MCMDC2: variants seen among roughly 807,000 people sequenced by gnomAD.
The protein encoded by MCMDC2 is minichromosome maintenance domain-containing protein 2.
MCMDC2 carries 54 observed loss-of-function variants against 75.8 expected under a neutral mutation model. That is an observed-to-expected ratio of 0.71 (90% confidence interval 0.57 to 0.89). MCMDC2 has a LOEUF of 0.89. Among genes scored for constraint, MCMDC2 ranks in the 40% least tolerant of loss-of-function variants. The pLI is 0.00. For missense variants in MCMDC2, 656 were observed against 780.4 expected (o/e 0.84, Z 1.90); for synonymous variants, 249 against 274.6 (o/e 0.91, Z 0.92).
intron 5 of MCMDC2, 97 bp downstream of exon 5, chr8:66,877,641 G>A (rs1403013790): frequency 2.4e-6 from 2 of 834,626 alleles, no homozygotes; most frequent in Non-Finnish European, 3.5e-6. Context: ...GAGGAGGGAG[G>A]ATCACCTGAG....
intron 10 of MCMDC2, among the ~76,000 whole-genome samples, chr8:66,891,474 G>A (rs1344635551): frequency 2.6e-5 from 4 of 152,166 alleles, no homozygotes; most frequent in South Asian, 2.1e-4. Flanking sequence ...TTCTTTATCC[G>A]TGGAAGTTCT....
chr8:66,874,798 C>T (rs1046253204), intron 4 of MCMDC2, among the ~76,000 whole-genome samples: 1 of 151,594 alleles, frequency 6.6e-6, no homozygotes, highest in Non-Finnish European at 1.5e-5. Flanking sequence ...CTCGCTCTGT[C>T]GCCAGGCTGG....
chr8:66,883,892 T>A lies in MCMDC2; in HGVS notation c.971T>A (p.Leu324His). Reference sequence around the variant, plus strand: ...CCTGGGACTTACAATTTGCTCAAGCTCTGTTTGTTGATGAGTCTAGTACAG... The same window carrying A: ...CCTGGGACTTACAATTTGCTCAAGCACTGTTTGTTGATGAGTCTAGTACAG... The part of the protein sequence containing the change: ...TPPGTYNLLK[L>H]CLLMSLVQTT... The change falls in exon 9 of 15, where the codon CTC (leucine) becomes CAC (histidine). Residue 324 changes from leucine to histidine, a missense_variant. Physicochemically the swap from Leu to His is moderately conservative, Grantham distance 99. Transcript: ENST00000422365. 6.2e-7 allele frequency: 1 copy of A among 1,614,052 alleles called. No individual in the cohort carries two copies. Among genetic ancestry groups the A allele is most frequent in the Non-Finnish European group, 8.5e-7 (1 of 1,180,004 alleles).
chr8:66,882,470 AT>A (rs1245708088), intron 8 of MCMDC2, among the ~76,000 whole-genome samples: 2 of 151,914 alleles, frequency 1.3e-5, no homozygotes, highest in Non-Finnish European at 2.9e-5. Flanking sequence ...AGTTCAAGGG[AT>A]TCTCCTGCCT....
At chr8:66,895,763 T>C (rs1812324474) in intron 10 of MCMDC2, among the ~76,000 whole-genome samples, 1 of 152,208 alleles carries the variant, frequency 6.6e-6, no homozygotes, top group Non-Finnish European at 1.5e-5. Flanking sequence ...CCAGTCATTG[T>C]AGTTCATATT....
intron 10 of MCMDC2, among the ~76,000 whole-genome samples, chr8:66,895,740 G>C (rs1236349038): frequency 6.6e-6 from 1 of 152,034 alleles, no homozygotes; most frequent in Non-Finnish European, 1.5e-5. Flanking sequence ...TTGAATTTGA[G>C]ATATATTTCC....
downstream of MCMDC2, among the ~76,000 whole-genome samples, chr8:66,924,283 T>C (rs1471160040): frequency 6.6e-6 from 1 of 151,220 alleles, no homozygotes; most frequent in Non-Finnish European, 1.5e-5. Flanking sequence ...GCATTTCAAA[T>C]TTGAAGAAAA....
chr8:66,922,533 A>AT (rs547985267), downstream of MCMDC2: 19 of 518,850 alleles, frequency 3.7e-5, no homozygotes, highest in Non-Finnish European at 5.4e-5. Context: ...GCAAAAAGTA[A>AT]TTTAAGTCAT....
Position 66,919,673 on chromosome 8 carries a change from T to C in MCMDC2, c.*504T>C, listed in dbSNP as rs965410251. 3.3e-5 allele frequency: 5 copies of C among 152,362 alleles called. No homozygotes were observed. The highest frequency in any genetic ancestry group is 9.6e-5 in the African/African-American group (4 of 41,468). 9.4% of individuals were successfully genotyped at this position (152,362 alleles called of 1,614,324 possible). A position where few individuals can be genotyped will look rare whatever the true frequency, so the allele number is the denominator to read the frequency against. On this transcript the variant is annotated 3_prime_UTR_variant, in exon 15 of 15. Coordinates refer to ENST00000422365, the MANE Select transcript of MCMDC2 (RefSeq NM_173518.5). The stretch of plus-strand genomic sequence containing the variant: ...CTTCAAATGTAAGGCCTTTTCATAC[T>C]TTATTACTGGCCTGTCCATTACATA...
chr8:66,912,211 A>G (rs901383481), intron 14 of MCMDC2, among the ~76,000 whole-genome samples: 3 of 152,224 alleles, frequency 2.0e-5, no homozygotes, highest in Admixed American at 2.0e-4. Context: ...TCAAGACTTC[A>G]GTGGAGGAAG....
chr8:66,925,931 A>T (rs1255619717), downstream of MCMDC2, among the ~76,000 whole-genome samples: 1 of 152,148 alleles, frequency 6.6e-6, no homozygotes, highest in African/African-American at 2.4e-5. Flanking sequence ...GGATCACCCG[A>T]TGTCAGGAGT....
intron 5 of MCMDC2, 39 bp downstream of exon 5, chr8:66,877,583 G>T: frequency 6.8e-7 from 1 of 1,472,922 alleles, no homozygotes; most frequent in Non-Finnish European, 9.2e-7. Flanking sequence ...TTAAGCAATT[G>T]GCTAGGCATG....
chr8:66,910,999 C>G (rs901767803), intron 14 of MCMDC2, among the ~76,000 whole-genome samples: 3 of 152,164 alleles, frequency 2.0e-5, no homozygotes, highest in Non-Finnish European at 4.4e-5. Flanking sequence ...CTTGCCTTAT[C>G]TCAGATGAGA....
At chr8:66,895,217 G>C (rs964216241) in intron 10 of MCMDC2, among the ~76,000 whole-genome samples, 1 of 152,020 alleles carries the variant, frequency 6.6e-6, no homozygotes, top group Non-Finnish European at 1.5e-5. Context: ...TGTTGTTATT[G>C]TTTTATTTAT....
At chr8:66,886,382 C>G (rs1202630834) in intron 9 of MCMDC2, among the ~76,000 whole-genome samples, 1 of 152,030 alleles carries the variant, frequency 6.6e-6, no homozygotes, top group Admixed American at 6.6e-5. Flanking sequence ...CCCGGCTAGT[C>G]TCGAACTCCT....
chr8:66,883,749 A>G lies in MCMDC2; in HGVS notation c.836-8A>G, dbSNP rs1178723621. On this transcript the variant is annotated splice_polypyrimidine_tract_variant and splice_region_variant and intron_variant, in intron 8 of 14. Transcript: ENST00000422365. The stretch of plus-strand genomic sequence containing the variant: ...CTTTCTAATATATATGTTAATATTT[A>G]CTTTCAGTTCCTTCAGGAATTAGTG... 1 of 1,490,034 alleles carries G rather than the reference A, an allele frequency of 6.7e-7. No homozygotes were observed. Among genetic ancestry groups the G allele is most frequent in the Non-Finnish European group, 9.3e-7 (1 of 1,074,806 alleles). The allele number at this position is 1,490,034 out of a possible 1,614,324, so 92.3% of individuals were successfully genotyped here. A position where few individuals can be genotyped will look rare whatever the true frequency, so the allele number is the denominator to read the frequency against.
chr8:66,922,247 G>C (rs1813571782), downstream of MCMDC2: 1 of 217,042 alleles, frequency 4.6e-6, no homozygotes, highest in African/African-American at 2.3e-5. Context: ...ACTTCAACAA[G>C]AATCTGCCCC....
chr8:66,918,029 A>G (rs1484291175), intron 14 of MCMDC2, among the ~76,000 whole-genome samples: 1 of 152,210 alleles, frequency 6.6e-6, no homozygotes, highest in Non-Finnish European at 1.5e-5. Context: ...CAGTGCACAA[A>G]GCTTCTAATT....
rs759894975 is a variant in MCMDC2 at position 66,890,927 on chromosome 8, T to A, written c.1136T>A (p.Ile379Asn). 9.3e-6 allele frequency: 15 copies of A among 1,613,636 alleles called. No homozygotes were observed. In the Admixed American group the frequency reaches 1.5e-4, roughly 16 times the overall value. ...ATACGTCATCTAGTCTCTACTGAAA[T>A]TTTTCCCACTCTATCCAGGAATAAG... ...RGIRHLVSTE[I>N]FPTLSRNKYG... is the part of the protein sequence containing the mutation. The change falls in exon 10 of 15, where the codon ATT becomes AAT. Residue 379 changes from isoleucine to asparagine, a missense_variant. Ile to Asn is a moderately radical substitution (Grantham distance 149). Transcript: ENST00000422365.
Sources: allele counts gnomAD v4.1 joint callset (sites outside exome capture counted in the v4.1 genomes callset), GRCh38; gene constraint gnomAD v4.1.1; transcripts MANE v1.5; gene names NCBI Gene and HGNC (gene_info 2026-07-23, HGNC 2026-07-21).